The following SPTBN5 variants were observed in gnomAD, a reference collection of about 807,000 sequenced individuals.
SPTBN5 encodes the protein spectrin beta chain, non-erythrocytic 5.
In SPTBN5, 513 loss-of-function variants were observed where a neutral mutation model predicts 477.6. The observed-to-expected ratio is 1.07, with a 90% CI of 1.00 to 1.16. SPTBN5 has a LOEUF of 1.16. SPTBN5 is among the 50% of genes most tolerant of loss of function. The pLI, the probability that SPTBN5 is intolerant of heterozygous loss-of-function variation, is 0.00. For missense variants in SPTBN5, 5,062 were observed against 4,731.8 expected, an observed-to-expected ratio of 1.07 and a Z score of -2.05; for synonymous variants, 2,169 against 2,011.7, an observed-to-expected ratio of 1.08 and a Z score of -2.09.
rs1299519751 is a variant in SPTBN5 at position 41,851,294 on chromosome 15, T to C, written c.10732A>G (p.Met3578Val). Reference sequence around the variant, plus strand: ...ACCCCGCCTGGTACCTCCGCTGCCATCCTCTCATCCAGGAACAGGCTCAGA... The same window carrying C: ...ACCCCGCCTGGTACCTCCGCTGCCACCCTCTCATCCAGGAACAGGCTCAGA... ...SSLSLFLDERMAAEKVASIAL... is the reference protein window; with the variant it reads ...SSLSLFLDERVAAEKVASIAL... The change falls in exon 64 of 68, where the codon ATG becomes GTG. Residue 3578 changes from methionine (M) to valine (V), a missense_variant. By Grantham distance (21) the Met-to-Val change is conservative. Coordinates refer to ENST00000320955, the MANE Select transcript of SPTBN5 (RefSeq NM_016642.4). 1.3e-6 allele frequency: 2 copies of C among 1,551,220 alleles called. No individual in the cohort carries two copies. Among genetic ancestry groups the C allele is most frequent in the Non-Finnish European group, 1.7e-6 (2 of 1,147,018 alleles).
chr15:41,856,665 G>C (rs1242510272), intron 52 of SPTBN5, 67 bp from the exon 53 acceptor site: 28 of 1,447,072 alleles, frequency 1.9e-5, no homozygotes, highest in Non-Finnish European at 2.4e-5. Flanking sequence ...AGTTGTGCTT[G>C]AAGTTTCACG....
Position 41,860,588 on chromosome 15 carries a change from C to T in SPTBN5, c.7986G>A (p.Leu2662=). The T allele has an allele frequency of 2.1e-6, 3 of 1,442,760 alleles. No individual in the cohort carries two copies. Among genetic ancestry groups the T allele is most frequent in the Non-Finnish European group, 1.8e-6 (2 of 1,092,670 alleles). The allele number at this position is 1,442,760 out of a possible 1,614,324, so 89.4% of individuals were successfully genotyped here. Residue 2662 remains leucine (L), a splice_region_variant and synonymous_variant, in exon 47 of 68, where the codon CTG becomes CTA. Transcript: ENST00000320955. Reference sequence around the variant, plus strand: ...CCTCACCCCAGAGCCACCACTACCTCAGAAGCATGGCCTGGCACCTGCCCA... The same window carrying T: ...CCTCACCCCAGAGCCACCACTACCTTAGAAGCATGGCCTGGCACCTGCCCA... ...SALGRCQAML[L]RKEALFRQAG...
In SPTBN5 at chr15:41,876,659, G is replaced by T. The variant is rs369750243; in HGVS notation, c.3852-12C>A. ...GCTGCTCTCTGACCCTGGAGGGCGG[G>T]GGGGGGTTGGAGGAGGGCATGGGAG... On this transcript the variant is annotated splice_polypyrimidine_tract_variant and intron_variant, in intron 19 of 67. Coordinates refer to ENST00000320955, the MANE Select transcript of SPTBN5 (RefSeq NM_016642.4). 792 of 1,456,334 alleles carry T rather than the reference G, an allele frequency of 5.4e-4. 11 individuals carry two copies. In the South Asian group the frequency reaches 7.4e-3, roughly 14 times the overall value. The allele number at this position is 1,456,334 out of a possible 1,614,324, so 90.2% of individuals were successfully genotyped here. A position where few individuals can be genotyped will look rare whatever the true frequency, so the allele number is the denominator to read the frequency against.
In SPTBN5 at chr15:41,881,081, G is replaced by A; in HGVS notation, c.2611C>T (p.Gln871Ter). ...DFDPNTILQT[Q>*]DHLSQDYESL... is the part of the protein sequence containing the mutation. ...TCATAGTCCTGACTCAAGTGGTCCT[G>A]TGTCTGGAGTATAGTGTTGGGATCA... Residue 871 changes from glutamine to a stop codon, truncating the protein, a stop_gained, in exon 13 of 68, where the codon CAG becomes TAG. Transcript: ENST00000320955. LOFTEE classifies it high-confidence loss of function. The A allele has an allele frequency of 6.2e-7, 1 of 1,609,666 alleles. No homozygotes were observed.
chr15:41,880,071 T>A (rs56008456), intron 14 of SPTBN5, 89 bp downstream of exon 14: 57,586 of 1,473,628 alleles, frequency 0.039, 1,339 homozygotes, highest in Admixed American at 0.053. Flanking sequence ...GGCAGGACGG[T>A]AGTTAAATTG....
rs1296856686 is a variant in SPTBN5, at chr15:41,857,018, G to T, written c.8643C>A (p.Pro2881=). 1 of 1,605,074 alleles carries T rather than the reference G, an allele frequency of 6.2e-7. No homozygotes were observed. Reference sequence around the variant, plus strand: ...CCAGGGCCGTCCTGCGCTCCTGCAGGGGCTCCCTCAGGCTCTTGAACCTGC... The same window carrying T: ...CCAGGGCCGTCCTGCGCTCCTGCAGTGGCTCCCTCAGGCTCTTGAACCTGC... The part of the protein sequence containing the change: ...LLQRFKSLRE[P]LQERRTALEA... Residue 2881 remains proline (P), a synonymous_variant, in exon 52 of 68, where the codon CCC becomes CCA. Transcript: ENST00000320955.
rs760086543 is a variant in SPTBN5 at position 41,874,278 on chromosome 15, A to G, written c.4689+14T>C. On this transcript the variant is annotated intron_variant, in intron 24 of 67. Transcript: ENST00000320955. Reference sequence around the variant, plus strand: ...CGGATGTCGGTAATCCTGTAGGAAGAAGAGGGCTATTACCTTGTGCTTGCG... The same window carrying G: ...CGGATGTCGGTAATCCTGTAGGAAGGAGAGGGCTATTACCTTGTGCTTGCG... 1 of 1,598,838 alleles carries G rather than the reference A, an allele frequency of 6.3e-7. No homozygotes were observed. The highest frequency in any genetic ancestry group is 8.5e-7 in the Non-Finnish European group (1 of 1,171,152).
intron 50 of SPTBN5, 30 bp downstream of exon 50, chr15:41,857,543 C>T: frequency 6.2e-7 from 1 of 1,603,796 alleles, no homozygotes; most frequent in Non-Finnish European, 8.5e-7. Flanking sequence ...TGGAGCCCGG[C>T]CAGCCACCCC....
At chr15:41,875,416 C>G (rs780357016) in intron 22 of SPTBN5, 42 bp downstream of exon 22, 1 of 1,590,178 alleles carries the variant, frequency 6.3e-7, no homozygotes, top group Non-Finnish European at 8.5e-7. Context: ...CCCAGCCAGG[C>G]CTCCGTCTCC....
chr15:41,854,968 T>A lies in SPTBN5; in HGVS notation c.9432A>T (p.Glu3144Asp), dbSNP rs1454388519. 4 of 1,542,796 alleles carry A rather than the reference T, an allele frequency of 2.6e-6. No individual in the cohort carries two copies. In the African/African-American group the frequency reaches 5.5e-5, roughly 21 times the overall value. The change falls in exon 56 of 68, where the codon GAA becomes GAT. Residue 3144 changes from glutamate to aspartate, a missense_variant. Physicochemically the swap from Glu to Asp is conservative, Grantham distance 45 (BLOSUM62 2). Transcript: ENST00000320955. Reference protein sequence around the residue: ...GQDLEGVKVLEEKFDAFRKEV... With the variant: ...GQDLEGVKVLDEKFDAFRKEV... ...CCTTTCTGAAAGCATCAAACTTCTC[T>A]TCCAGCACCTGCAAAGGTATGAGGC...
chr15:41,885,589 G>A (rs938363255), intron 7 of SPTBN5, 146 bp downstream of exon 7: 14 of 1,011,562 alleles, frequency 1.4e-5, no homozygotes, highest in South Asian at 1.7e-5. Flanking sequence ...AGCATCACTG[G>A]GAGATAGATC....
intron 39 of SPTBN5, among the ~76,000 whole-genome samples, chr15:41,864,909 T>C (rs190172221): frequency 1.3e-5 from 2 of 152,348 alleles, no homozygotes; most frequent in African/African-American, 4.8e-5. Context: ...GGGAAGGACA[T>C]TCCCCTCCTT....
In SPTBN5 at chr15:41,861,858, T is replaced by C. The variant is rs2066120397; in HGVS notation, c.7614A>G (p.Thr2538=). 9 of 1,608,336 alleles carry C rather than the reference T, an allele frequency of 5.6e-6. No homozygotes were observed. The highest frequency in any genetic ancestry group is 7.6e-6 in the Non-Finnish European group (9 of 1,179,516). Residue 2538 remains threonine, a synonymous_variant, in exon 45 of 68, where the codon ACA becomes ACG. Transcript: ENST00000320955. Reference sequence around the variant, plus strand: ...TGTCGGAGCTGAAGGGGTGCCCCGCTGTGAGCAGTTGCTGCCCAGTGCTTC... The same window carrying C: ...TGTCGGAGCTGAAGGGGTGCCCCGCCGTGAGCAGTTGCTGCCCAGTGCTTC... ...LARSTGQQLL[T]AGHPFSSDIR...
chr15:41,856,973 C>A lies in SPTBN5; in HGVS notation c.8688G>T (p.Leu2896Phe), dbSNP rs2065944336. The A allele has an allele frequency of 3.1e-6, 5 of 1,600,766 alleles. No homozygotes were observed. Among genetic ancestry groups the A allele is most frequent in the Non-Finnish European group, 4.3e-6 (5 of 1,174,526 alleles). The change falls in exon 52 of 68, where the codon TTG (leucine) becomes TTT (phenylalanine). Residue 2896 changes from leucine to phenylalanine, a missense_variant. Coordinates refer to ENST00000320955, the MANE Select transcript of SPTBN5 (RefSeq NM_016642.4). ...RTALEARSLLLKFFRDADEEM... is the reference protein window; with the variant it reads ...RTALEARSLLFKFFRDADEEM... Reference sequence around the variant, plus strand: ...CCTCGTCGGCGTCCCTGAAGAACTTCAAGAGGAGGCTCCGGGCCTCCAGGG... The same window carrying A: ...CCTCGTCGGCGTCCCTGAAGAACTTAAAGAGGAGGCTCCGGGCCTCCAGGG...
At chr15:41,870,642 C>T (rs747109628) in intron 29 of SPTBN5, 82 bp from the exon 30 acceptor site, 9 of 1,175,656 alleles carry the variant, frequency 7.7e-6, no homozygotes, top group East Asian at 5.0e-5. Context: ...CTGGTCAGCC[C>T]GCTCCTCTCT....
At chr15:41,859,072 T>C in intron 47 of SPTBN5, 92 bp from the exon 48 acceptor site, 1 of 982,784 alleles carries the variant, frequency 1.0e-6, no homozygotes, top group Non-Finnish European at 1.4e-6. Flanking sequence ...ATGAATATAC[T>C]CTGAGTCTGG....
At position 41,881,199 on chromosome 15, in the gene SPTBN5, C is replaced by A. The variant is rs774839902; in HGVS notation, c.2493G>T (p.Leu831=). 1.9e-6 allele frequency: 3 copies of A among 1,612,286 alleles called. No individual in the cohort carries two copies. The highest frequency in any genetic ancestry group is 1.9e-4 in the Middle Eastern group (1 of 5,296). Residue 831 remains leucine (L), a synonymous_variant, in exon 13 of 68, where the codon CTG becomes CTT. Coordinates refer to ENST00000320955, the MANE Select transcript of SPTBN5 (RefSeq NM_016642.4). ...NSALSPPGES[L]RNPGPWSEAS... is the part of the protein sequence containing the mutation. ...CCTCACTCCAGGGCCCTGGGTTCCT[C>A]AGGCTTTCTCCTGGAGGGCTCAGGG...
rs1296284895 is a variant in SPTBN5 at position 41,875,443 on chromosome 15, C to G, written c.4287+15G>C. 6.2e-7 allele frequency: 1 copy of G among 1,609,032 alleles called. No homozygotes were observed. Among genetic ancestry groups the G allele is most frequent in the Admixed American group, 1.7e-5 (1 of 59,730 alleles). Reference sequence around the variant, plus strand: ...TCCGTCTCCCTCTTGTGCCCTGTCCCTCTTCCCAGTGGACCTGCAGCTGCC... The same window carrying G: ...TCCGTCTCCCTCTTGTGCCCTGTCCGTCTTCCCAGTGGACCTGCAGCTGCC... On this transcript the variant is annotated intron_variant, in intron 22 of 67. Coordinates refer to ENST00000320955, the MANE Select transcript of SPTBN5 (RefSeq NM_016642.4).
At chr15:41,850,964 A>T in intron 65 of SPTBN5, 25 bp from the exon 66 acceptor site, 1 of 1,594,422 alleles carries the variant, frequency 6.3e-7, no homozygotes, top group Non-Finnish European at 8.5e-7. Flanking sequence ...CACAGGTCAA[A>T]CTCCACTGTC....
Sources: gnomAD v4.1 joint callset for allele counts (sites outside exome capture counted in the v4.1 genomes callset) on GRCh38, gnomAD v4.1.1 for gene constraint, MANE v1.5 for transcripts, NCBI Gene and HGNC (gene_info 2026-07-23, HGNC 2026-07-21) for gene names.